Variants in ADAMTS3 observed in about 807,000 individuals in gnomAD.
ADAMTS3 encodes the protein ADAM metallopeptidase with thrombospondin type 1 motif 3.
A neutral mutation model predicts 129.0 loss-of-function variants in ADAMTS3; 73 were observed. The ratio of observed to expected loss-of-function variants is 0.57; its 90% CI spans 0.47 to 0.69. The LOEUF is 0.69. Among genes scored for constraint, ADAMTS3 ranks in the 30% least tolerant of loss-of-function variants. ADAMTS3 has a pLI of 0.00. For missense variants in ADAMTS3, 1,457 were observed against 1,514.5 expected (o/e 0.96, Z 0.63); for synonymous variants, 477 against 510.8 (o/e 0.93, Z 0.89).
At chr4:72,517,468 G>A (rs1720521559) in intron 3 of ADAMTS3, among the ~76,000 whole-genome samples, 1 of 152,128 alleles carries the variant, frequency 6.6e-6, no homozygotes, top group Admixed American at 6.5e-5. Flanking sequence ...TCTGGTCCTG[G>A]ACTCTTTTTG....
chr4:72,345,292 A>C (rs1487679143), intron 4 of ADAMTS3, among the ~76,000 whole-genome samples: 4 of 152,122 alleles, frequency 2.6e-5, no homozygotes, highest in Non-Finnish European at 5.9e-5. Flanking sequence ...AGATCCTATA[A>C]TCAGAGCTAA....
At chr4:72,520,818 C>T (rs1338411979) in intron 3 of ADAMTS3, among the ~76,000 whole-genome samples, 2 of 152,122 alleles carry the variant, frequency 1.3e-5, no homozygotes, top group Admixed American at 6.5e-5. Context: ...CCTCCCCTTG[C>T]TTCGGCTCGC....
intron 15 of ADAMTS3, among the ~76,000 whole-genome samples, chr4:72,307,779 T>C (rs1411098076): frequency 2.0e-5 from 3 of 152,028 alleles, no homozygotes; most frequent in African/African-American, 4.8e-5. Flanking sequence ...ATGGCACCTC[T>C]TGCTTAAATG....
intron 3 of ADAMTS3, among the ~76,000 whole-genome samples, chr4:72,462,596 A>G (rs1372773903): frequency 1.3e-5 from 2 of 151,938 alleles, no homozygotes; most frequent in Non-Finnish European, 2.9e-5. Context: ...GTGACGTCTT[A>G]ATGATCCTGA....
chr4:72,502,896 T>C (rs928871588), intron 3 of ADAMTS3, among the ~76,000 whole-genome samples: 1 of 152,138 alleles, frequency 6.6e-6, no homozygotes, highest in Admixed American at 6.6e-5. Flanking sequence ...CAGGCTCTGG[T>C]GTGTGATGTT....
intron 3 of ADAMTS3, among the ~76,000 whole-genome samples, chr4:72,480,645 T>C (rs1719407552): frequency 6.6e-6 from 1 of 151,360 alleles, no homozygotes; most frequent in South Asian, 2.1e-4. Flanking sequence ...TGTATACATA[T>C]GTAACTAACC....
chr4:72,463,530 T>A (rs2109986213), intron 3 of ADAMTS3, among the ~76,000 whole-genome samples: 1 of 152,062 alleles, frequency 6.6e-6, no homozygotes, highest in South Asian at 2.1e-4. Context: ...ATTATTCTAA[T>A]GAAGCATCTT....
chr4:72,404,612 A>ACCCCAAAAGC (rs1442487864), intron 4 of ADAMTS3, among the ~76,000 whole-genome samples: 1 of 152,056 alleles, frequency 6.6e-6, no homozygotes, highest in Non-Finnish European at 1.5e-5. Context: ...GCTAGTTATG[A>ACCCCAAAAGC]CCCCAAAAGC....
chr4:72,509,500 T>C (rs964441956), intron 3 of ADAMTS3, among the ~76,000 whole-genome samples: 8 of 151,870 alleles, frequency 5.3e-5, no homozygotes, highest in African/African-American at 1.9e-4. Context: ...TATGTGCCAA[T>C]AAATTGGAAA....
At chr4:72,439,952 G>T (rs1185102026) in intron 3 of ADAMTS3, among the ~76,000 whole-genome samples, 1 of 151,512 alleles carries the variant, frequency 6.6e-6, no homozygotes, top group Admixed American at 6.6e-5. Context: ...CACTGAGATG[G>T]TTACTTATGA....
chr4:72,533,156 A>G (rs1031210222), intron 3 of ADAMTS3, among the ~76,000 whole-genome samples: 1 of 152,102 alleles, frequency 6.6e-6, no homozygotes, highest in African/African-American at 2.4e-5. Context: ...ATAAAAATAT[A>G]TTTTCTTTAT....
At chr4:72,480,995 CA>C (rs1275556253) in intron 3 of ADAMTS3, among the ~76,000 whole-genome samples, 1 of 151,872 alleles carries the variant, frequency 6.6e-6, no homozygotes, top group Non-Finnish European at 1.5e-5. Flanking sequence ...GAAACTCTAA[CA>C]AAAACATGTA....
intron 3 of ADAMTS3, among the ~76,000 whole-genome samples, chr4:72,481,515 C>T (rs1230440217): frequency 6.6e-6 from 1 of 152,034 alleles, no homozygotes; most frequent in African/African-American, 2.4e-5. Flanking sequence ...TAGCCTTGGA[C>T]CTAAATTTTA....
chr4:72,284,547 G>A (rs1718452603), intron 21 of ADAMTS3, among the ~76,000 whole-genome samples: 1 of 152,052 alleles, frequency 6.6e-6, no homozygotes, highest in South Asian at 2.1e-4. Context: ...TTTGGGTAAA[G>A]TATGCCAAAT....
chr4:72,331,600 C>A (rs1350072066), intron 5 of ADAMTS3, among the ~76,000 whole-genome samples: 1 of 152,158 alleles, frequency 6.6e-6, no homozygotes, highest in Non-Finnish European at 1.5e-5. Flanking sequence ...GCTTCTCTTT[C>A]CAGTCTCCTC....
chr4:72,516,590 T>G (rs1219166126), intron 3 of ADAMTS3, among the ~76,000 whole-genome samples: 1 of 152,164 alleles, frequency 6.6e-6, no homozygotes, highest in Non-Finnish European at 1.5e-5. Flanking sequence ...TTTATTCTCT[T>G]TGAAGGAATT....
intron 3 of ADAMTS3, among the ~76,000 whole-genome samples, chr4:72,530,915 T>C (rs1289560001): frequency 6.9e-6 from 1 of 144,072 alleles, no homozygotes; most frequent in African/African-American, 2.6e-5. Context: ...TAGGTAATTA[T>C]GATACACAAT....
At chr4:72,367,849 CAAAAA>C (rs35388186) in intron 4 of ADAMTS3, among the ~76,000 whole-genome samples, 9 of 125,672 alleles carry the variant, frequency 7.2e-5, no homozygotes, top group Non-Finnish European at 5.1e-5. Context: ...GACTCTGTGT[CAAAAA>C]AAAAAAAAAA....
intron 3 of ADAMTS3, among the ~76,000 whole-genome samples, chr4:72,421,766 T>G (rs1438488991): frequency 6.6e-6 from 1 of 152,146 alleles, no homozygotes; most frequent in Non-Finnish European, 1.5e-5. Flanking sequence ...AGAGGTAGAT[T>G]CTTCTGCACC....
Sources: gnomAD v4.1 joint callset for allele counts (sites outside exome capture counted in the v4.1 genomes callset) on GRCh38, gnomAD v4.1.1 for gene constraint, MANE v1.5 for transcripts, NCBI Gene and HGNC (gene_info 2026-07-23, HGNC 2026-07-21) for gene names.